CNTN5: variants seen among roughly 807,000 people sequenced by gnomAD.
CNTN5 encodes contactin 5, also known as contactin-5.
In CNTN5, 77 loss-of-function variants were observed where a neutral mutation model predicts 129.1. That is an observed-to-expected ratio of 0.60 (90% CI 0.50 to 0.72). The LOEUF is 0.72. Among genes scored for constraint, CNTN5 ranks in the 30% least tolerant of loss-of-function variants. The pLI is 0.00. For missense variants in CNTN5, 1,478 were observed against 1,328.8 expected (o/e 1.11, Z -1.75); for synonymous variants, 509 against 465.6 (o/e 1.09, Z -1.20).
chr11:99,131,831 G>A (rs1858954233), intron 1 of CNTN5, among the ~76,000 whole-genome samples: 1 of 152,144 alleles, frequency 6.6e-6, no homozygotes, highest in Admixed American at 6.5e-5. Flanking sequence ...ACAAAGAGGA[G>A]CTGGTACCAT....
intron 1 of CNTN5, among the ~76,000 whole-genome samples, chr11:99,051,398 CA>C (rs1389909123): frequency 6.6e-6 from 1 of 151,898 alleles, no homozygotes; most frequent in African/African-American, 2.4e-5. Context: ...ATAACGACTG[CA>C]GCCAATGGTG....
At chr11:99,908,400 T>A (rs1159278886) in intron 6 of CNTN5, among the ~76,000 whole-genome samples, 1 of 152,092 alleles carries the variant, frequency 6.6e-6, no homozygotes, top group Non-Finnish European at 1.5e-5. Context: ...CATAATGGAT[T>A]TGTAGTACTC....
At chr11:99,945,639 A>G (rs777141192) in intron 7 of CNTN5, among the ~76,000 whole-genome samples, 13 of 151,930 alleles carry the variant, frequency 8.6e-5, no homozygotes, top group Non-Finnish European at 1.8e-4. Context: ...TGTTATTATC[A>G]TTTCATAGAT....
At chr11:100,044,010 A>G (rs951767107) in intron 9 of CNTN5, among the ~76,000 whole-genome samples, 1 of 151,794 alleles carries the variant, frequency 6.6e-6, no homozygotes, top group African/African-American at 2.4e-5. Flanking sequence ...TGTGCCCGTT[A>G]AGTAATTTCT....
At chr11:99,829,980 T>G (rs1352004730) in intron 4 of CNTN5, among the ~76,000 whole-genome samples, 1 of 152,144 alleles carries the variant, frequency 6.6e-6, no homozygotes, top group Non-Finnish European at 1.5e-5. Context: ...TTGTTATGAT[T>G]TTAGTAGGAG....
chr11:99,468,050 A>G (rs1181594012), intron 2 of CNTN5, among the ~76,000 whole-genome samples: 2 of 152,088 alleles, frequency 1.3e-5, no homozygotes, highest in Non-Finnish European at 2.9e-5. Context: ...TAATTATTTT[A>G]TTATTAATTT....
chr11:99,490,289 G>C (rs1393789526), intron 2 of CNTN5, among the ~76,000 whole-genome samples: 1 of 152,004 alleles, frequency 6.6e-6, no homozygotes. Flanking sequence ...TTCATCATTT[G>C]GACATTAAGT....
intron 9 of CNTN5, among the ~76,000 whole-genome samples, chr11:100,033,350 T>A (rs182544945): frequency 2.6e-5 from 4 of 152,308 alleles, no homozygotes; most frequent in Admixed American, 2.0e-4. Context: ...CAGAGGTACA[T>A]CCATATGTAG....
intron 4 of CNTN5, among the ~76,000 whole-genome samples, chr11:99,835,471 G>A (rs1459022799): frequency 6.6e-6 from 1 of 152,106 alleles, no homozygotes; most frequent in Non-Finnish European, 1.5e-5. Context: ...AAATAATGTG[G>A]CTTGAAAGCT....
At chr11:99,911,748 AAAAAG>A (rs1260925513) in intron 6 of CNTN5, among the ~76,000 whole-genome samples, 4 of 151,864 alleles carry the variant, frequency 2.6e-5, no homozygotes, top group Admixed American at 6.6e-5. Flanking sequence ...TAAAAAAAAA[AAAAAG>A]AAAAATAACT....
chr11:99,857,187 G>A lies in CNTN5; in HGVS notation c.577+11925G>A, dbSNP rs138741211. ...ACAACTATTTAAAACAATGGCTGAA[G>A]CCATTCCAAGCACACCACTGACTTT... On this transcript the variant is annotated intron_variant, in intron 6 of 24. Coordinates refer to ENST00000524871, the MANE Select transcript of CNTN5 (RefSeq NM_014361.4). Among the ~76,000 whole-genome samples the A allele has an allele frequency of 3.3e-5, 5 of 152,162 alleles. No individual in the cohort carries two copies. In the East Asian group the frequency reaches 9.7e-4, roughly 29 times the overall value.
intron 2 of CNTN5, among the ~76,000 whole-genome samples, chr11:99,418,807 A>T (rs1222668916): frequency 6.6e-6 from 1 of 152,148 alleles, no homozygotes; most frequent in Non-Finnish European, 1.5e-5. Flanking sequence ...ATCCTGAATT[A>T]AACTCCTCAT....
chr11:100,094,707 C>T (rs1358742253), intron 13 of CNTN5, among the ~76,000 whole-genome samples: 1 of 134,464 alleles, frequency 7.4e-6, no homozygotes, highest in Non-Finnish European at 1.5e-5. Flanking sequence ...GGAAAGCAGA[C>T]CAGGAGGAAA....
intron 3 of CNTN5, among the ~76,000 whole-genome samples, chr11:99,781,579 A>G (rs74757810): frequency 0.058 from 8,873 of 151,846 alleles, 369 homozygotes; most frequent in Middle Eastern, 0.13. Context: ...CCCTCTCCTG[A>G]CCCTATTTGC....
intron 6 of CNTN5, among the ~76,000 whole-genome samples, chr11:99,915,624 A>G (rs908407843): frequency 6.6e-5 from 10 of 152,198 alleles, no homozygotes; most frequent in African/African-American, 2.4e-4. Flanking sequence ...GCTTGGTTTT[A>G]CACATCATTC....
intron 23 of CNTN5, among the ~76,000 whole-genome samples, chr11:100,349,385 A>AT (rs1320635775): frequency 6.6e-6 from 1 of 151,938 alleles, no homozygotes; most frequent in African/African-American, 2.4e-5. Flanking sequence ...TTTAACAGTT[A>AT]ATAAACAATG....
chr11:99,607,893 T>G (rs1950472911), intron 3 of CNTN5, among the ~76,000 whole-genome samples: 1 of 121,038 alleles, frequency 8.3e-6, no homozygotes, highest in South Asian at 3.0e-4. Flanking sequence ...AGGTGGGAAT[T>G]GAACAATGAG....
At chr11:99,435,711 G>A (rs1943572522) in intron 2 of CNTN5, among the ~76,000 whole-genome samples, 1 of 152,122 alleles carries the variant, frequency 6.6e-6, no homozygotes, top group African/African-American at 2.4e-5. Flanking sequence ...ACTTGATATT[G>A]GGACTAGTTC....
At chr11:99,837,418 C>T (rs1344383501) in intron 4 of CNTN5, among the ~76,000 whole-genome samples, 1 of 152,124 alleles carries the variant, frequency 6.6e-6, no homozygotes, top group East Asian at 1.9e-4. Context: ...GAACCACTTT[C>T]AGTTGATCTA....
Sources: gnomAD v4.1 joint callset for allele counts (sites outside exome capture counted in the v4.1 genomes callset) on GRCh38, gnomAD v4.1.1 for gene constraint, MANE v1.5 for transcripts, NCBI Gene and HGNC (gene_info 2026-07-23, HGNC 2026-07-21) for gene names.